The following CSMD1 variants were observed in gnomAD, a reference collection of about 807,000 sequenced individuals.
CSMD1 encodes the protein CUB and Sushi multiple domains 1.
Under a neutral mutation model 417.5 loss-of-function variants are expected in CSMD1, and 213 were observed. That is an observed-to-expected ratio of 0.51 (90% CI 0.46 to 0.57). CSMD1 has a LOEUF of 0.57. Among genes scored for constraint, CSMD1 ranks in the 20% least tolerant of loss-of-function variants. CSMD1 has a pLI of 0.00. For missense variants in CSMD1, 6,923 were observed against 4,529.7 expected (o/e 1.53, Z -15.17); for synonymous variants, 2,862 against 1,736.8 (o/e 1.65, Z -16.11).
At chr8:4,024,163 G>C (rs1257360012) in intron 4 of CSMD1, among the ~76,000 whole-genome samples, 3 of 152,234 alleles carry the variant, frequency 2.0e-5, no homozygotes, top group East Asian at 1.9e-4. Flanking sequence ...TAAAGAATCA[G>C]TTGTATTATT....
At chr8:3,450,864 G>C (rs139243807) in intron 12 of CSMD1, among the ~76,000 whole-genome samples, 14,348 of 151,068 alleles carry the variant, frequency 0.095, 812 homozygotes, top group East Asian at 0.24. Context: ...GGTAATTCTA[G>C]TTCTAGATCC....
intron 49 of CSMD1, among the ~76,000 whole-genome samples, chr8:3,060,423 A>T (rs1812517718): frequency 6.6e-6 from 1 of 152,090 alleles, no homozygotes; most frequent in African/African-American, 2.4e-5. Flanking sequence ...TCCTGAACTC[A>T]AGTGATCCAC....
intron 1 of CSMD1, among the ~76,000 whole-genome samples, chr8:4,711,230 A>G (rs1259001661): frequency 1.3e-5 from 2 of 152,090 alleles, no homozygotes; most frequent in Non-Finnish European, 2.9e-5. Context: ...AATGTTAATC[A>G]TGCTATGAAA....
chr8:4,970,020 T>G (rs1328135488), intron 1 of CSMD1, among the ~76,000 whole-genome samples: 1 of 152,082 alleles, frequency 6.6e-6, no homozygotes, highest in Non-Finnish European at 1.5e-5. Context: ...CTGCAATACC[T>G]AAAAATTGAA....
At chr8:4,183,364 G>A (rs976684051) in intron 3 of CSMD1, among the ~76,000 whole-genome samples, 3 of 152,162 alleles carry the variant, frequency 2.0e-5, no homozygotes, top group South Asian at 2.1e-4. Flanking sequence ...TAATCTAAAT[G>A]GTAACTTCTT....
At chr8:3,988,788 G>A (rs1814523610) in intron 5 of CSMD1, among the ~76,000 whole-genome samples, 1 of 152,180 alleles carries the variant, frequency 6.6e-6, no homozygotes, top group African/African-American at 2.4e-5. Context: ...GCTGATTATG[G>A]TCAATTATAT....
chr8:3,736,425 T>C (rs1182486854), intron 6 of CSMD1, among the ~76,000 whole-genome samples: 1 of 150,628 alleles, frequency 6.6e-6, no homozygotes, highest in Non-Finnish European at 1.5e-5. Context: ...AAAAAAAAAA[T>C]GTAGCAATGT....
intron 2 of CSMD1, among the ~76,000 whole-genome samples, chr8:4,586,892 G>C (rs762977452): frequency 1.3e-5 from 2 of 152,182 alleles, no homozygotes; most frequent in South Asian, 2.1e-4. Context: ...TATTTGATAA[G>C]AGTGCTTAAC....
At chr8:3,733,589 ACCCT>A (rs1796378795) in intron 6 of CSMD1, among the ~76,000 whole-genome samples, 2 of 151,964 alleles carry the variant, frequency 1.3e-5, no homozygotes, top group South Asian at 4.2e-4. Context: ...GTGTGATGAA[ACCCT>A]GCACCGCCCT....
intron 2 of CSMD1, among the ~76,000 whole-genome samples, chr8:4,573,514 C>G (rs1490870660): frequency 2.0e-5 from 3 of 152,164 alleles, no homozygotes; most frequent in African/African-American, 7.2e-5. Flanking sequence ...AGAAGGGCAC[C>G]TGAGAGATGC....
At chr8:3,049,054 A>G (rs11988894) in intron 50 of CSMD1, among the ~76,000 whole-genome samples, 45,301 of 151,902 alleles carry the variant, frequency 0.3, 6,935 homozygotes, top group East Asian at 0.36. Flanking sequence ...ATCTATGAGA[A>G]TGGCCAAAAT....
intron 9 of CSMD1, among the ~76,000 whole-genome samples, chr8:3,579,326 T>C (rs1800285146): frequency 1.6e-5 from 2 of 126,892 alleles, no homozygotes; most frequent in South Asian, 4.9e-4. Context: ...TTTCATGCAA[T>C]TTATCTTACT....
chr8:4,654,279 A>G (rs1037138052), intron 1 of CSMD1, among the ~76,000 whole-genome samples: 2 of 152,146 alleles, frequency 1.3e-5, no homozygotes, highest in Admixed American at 1.3e-4. Flanking sequence ...TCTCAAATGA[A>G]TATAGACTTA....
intron 37 of CSMD1, among the ~76,000 whole-genome samples, chr8:3,170,092 T>C (rs1413759712): frequency 1.3e-5 from 2 of 152,286 alleles, no homozygotes; most frequent in Non-Finnish European, 2.9e-5. Flanking sequence ...GCGGCGCTGC[T>C]GTGGCAGCCA....
chr8:4,989,356 G>A (rs1811347482), intron 1 of CSMD1, among the ~76,000 whole-genome samples: 1 of 152,206 alleles, frequency 6.6e-6, no homozygotes, highest in South Asian at 2.1e-4. Context: ...GTTTACCACT[G>A]CTGGTCTCTT....
intron 18 of CSMD1, among the ~76,000 whole-genome samples, chr8:3,377,518 T>C (rs1392269947): frequency 6.6e-6 from 1 of 152,222 alleles, no homozygotes; most frequent in Non-Finnish European, 1.5e-5. Flanking sequence ...GGCATCCCTA[T>C]AGCATCTCAA....
chr8:4,729,402 A>C (rs1809701858), intron 1 of CSMD1, among the ~76,000 whole-genome samples: 1 of 152,190 alleles, frequency 6.6e-6, no homozygotes, highest in Non-Finnish European at 1.5e-5. Flanking sequence ...AAAAGGGGAA[A>C]AATAAAGTAT....
chr8:3,864,680 G>C (rs957981078), intron 5 of CSMD1, among the ~76,000 whole-genome samples: 2 of 152,052 alleles, frequency 1.3e-5, no homozygotes, highest in African/African-American at 4.8e-5. Context: ...ACTTTCGACT[G>C]ATGAAGGTGC....
At chr8:4,254,947 G>T (rs1283485699) in intron 3 of CSMD1, among the ~76,000 whole-genome samples, 2 of 152,132 alleles carry the variant, frequency 1.3e-5, no homozygotes, top group African/African-American at 4.8e-5. Flanking sequence ...ACACATGACT[G>T]GAGTGGACTC....
Sources: allele counts gnomAD v4.1 joint callset (sites outside exome capture counted in the v4.1 genomes callset), GRCh38; gene constraint gnomAD v4.1.1; transcripts MANE v1.5; gene names NCBI Gene and HGNC (gene_info 2026-07-23, HGNC 2026-07-21).